The following GRHL2 variants were observed in gnomAD, a reference collection of about 807,000 sequenced individuals.
GRHL2 encodes the protein grainyhead-like protein 2 homolog.
In GRHL2, 21 loss-of-function variants were observed where a neutral mutation model predicts 83.8. The observed-to-expected ratio is 0.25, with a 90% CI of 0.18 to 0.36. The LOEUF is 0.36. GRHL2 is among the 10% of genes least tolerant of loss of function. The pLI is 1.00. For synonymous variants in GRHL2, 280 were observed against 278.9 expected (o/e 1.00, Z -0.04); for missense variants, 623 against 781.8 (o/e 0.80, Z 2.42).
At chr8:101,514,427 G>A (rs1810527582) in intron 1 of GRHL2, among the ~76,000 whole-genome samples, 1 of 152,224 alleles carries the variant, frequency 6.6e-6, no homozygotes, top group Non-Finnish European at 1.5e-5. Context: ...AGCTACGCAA[G>A]GGAAGGAGAG....
intron 4 of GRHL2, chr8:101,562,419 T>C (rs1180889812): frequency 7.1e-6 from 4 of 566,036 alleles, no homozygotes; most frequent in Non-Finnish European, 1.2e-5. Context: ...TTGCAATTAT[T>C]GTGGACAAAC....
At chr8:101,649,832 C>A (rs1813585344) in intron 14 of GRHL2, among the ~76,000 whole-genome samples, 1 of 151,984 alleles carries the variant, frequency 6.6e-6, no homozygotes, top group Non-Finnish European at 1.5e-5. Context: ...AAAACAAAAA[C>A]AATTAACAAG....
At chr8:101,598,400 C>A (rs368152622) in intron 7 of GRHL2, among the ~76,000 whole-genome samples, 7 of 151,728 alleles carry the variant, frequency 4.6e-5, no homozygotes, top group South Asian at 2.1e-4. Context: ...CCACCATGCC[C>A]GGCTAATTTT....
At chr8:101,585,083 C>T (rs545629677) in intron 7 of GRHL2, among the ~76,000 whole-genome samples, 128 of 152,248 alleles carry the variant, frequency 8.4e-4, no homozygotes, top group African/African-American at 3.0e-3. Context: ...AGCCAAGTGG[C>T]CAGGTGGCCA....
chr8:101,501,207 A>T (rs1252570910), intron 1 of GRHL2, among the ~76,000 whole-genome samples: 3 of 152,222 alleles, frequency 2.0e-5, no homozygotes, highest in Non-Finnish European at 4.4e-5. Context: ...TGGTAGATGA[A>T]GTACCTTATT....
downstream of GRHL2, among the ~76,000 whole-genome samples, chr8:101,670,890 G>C (rs888020930): frequency 6.6e-6 from 1 of 152,218 alleles, no homozygotes; most frequent in African/African-American, 2.4e-5. Flanking sequence ...AGAGAGGCAA[G>C]TTAGACACAG....
Position 101,608,897 on chromosome 8 carries a change from A to T in GRHL2, c.1098+9746A>T. On this transcript the variant is annotated intron_variant, in intron 8 of 15. Transcript: ENST00000646743. ...TCTTCAGGGTCAGGTGGACTTAGACATAAGGAAGTTGGAAGAAGAGTGTAT... is the reference window on the plus strand; with the variant it reads ...TCTTCAGGGTCAGGTGGACTTAGACTTAAGGAAGTTGGAAGAAGAGTGTAT... 1.3e-5 allele frequency among the ~76,000 whole-genome samples: 2 copies of T among 150,238 alleles called. 1 individual carries two copies. The highest frequency in any genetic ancestry group is 2.9e-5 in the Non-Finnish European group (2 of 67,990).
At position 101,574,848 on chromosome 8, in the gene GRHL2, G is replaced by A. The variant is rs909905657; in HGVS notation, c.891+1024G>A. ...TATATTTATTATCTTCAAGCGCCAG[G>A]TATTGTATTAGGTGCCATCTGTCTA... On this transcript the variant is annotated intron_variant, in intron 6 of 15. Coordinates refer to ENST00000646743, the MANE Select transcript of GRHL2 (RefSeq NM_024915.4). Among the ~76,000 whole-genome samples the A allele has an allele frequency of 3.0e-4, 46 of 152,302 alleles. 1 individual carries two copies. The highest frequency in any genetic ancestry group is 1.1e-3 in the African/African-American group (46 of 41,566).
intron 5 of GRHL2, 35 bp from the exon 6 acceptor site, chr8:101,573,633 G>A (rs764156068): frequency 6.2e-7 from 1 of 1,613,574 alleles, no homozygotes; most frequent in Admixed American, 1.7e-5. Flanking sequence ...ATGTCCAAGT[G>A]AGTGGATCTG....
Position 101,543,309 on chromosome 8 carries a change from C to T in GRHL2, c.89C>T (p.Thr30Ile). The part of the protein sequence containing the change: ...DPPFNTRRAY[T>I]SEDEAWKSYL... Reference sequence around the variant, plus strand: ...CCATTCAATACCCGAAGAGCCTACACCAGTGAGGATGAAGCCTGGAAGTCA... The same window carrying T: ...CCATTCAATACCCGAAGAGCCTACATCAGTGAGGATGAAGCCTGGAAGTCA... The change falls in exon 2 of 16, where the codon ACC (threonine) becomes ATC (isoleucine). Residue 30 changes from threonine to isoleucine, a missense_variant. Thr to Ile is a moderately conservative substitution (Grantham distance 89). Coordinates refer to ENST00000646743, the MANE Select transcript of GRHL2 (RefSeq NM_024915.4). 6.2e-7 allele frequency: 1 copy of T among 1,614,126 alleles called. No individual in the cohort carries two copies. The highest frequency in any genetic ancestry group is 8.5e-7 in the Non-Finnish European group (1 of 1,179,978).
chr8:101,518,491 A>G (rs1457271387), intron 1 of GRHL2, among the ~76,000 whole-genome samples: 1 of 152,194 alleles, frequency 6.6e-6, no homozygotes, highest in Non-Finnish European at 1.5e-5. Flanking sequence ...GTACCCATAC[A>G]GGATCACCTC....
intron 8 of GRHL2, among the ~76,000 whole-genome samples, chr8:101,608,593 C>CTTTATTTTTTATTTTTT (rs1435861274): frequency 6.6e-6 from 1 of 152,094 alleles, no homozygotes; most frequent in African/African-American, 2.4e-5. Context: ...GAGGCAGCTC[C>CTTTATTTTTTATTTTTT]ATTTTTTATT....
intron 14 of GRHL2, among the ~76,000 whole-genome samples, chr8:101,658,687 CA>C (rs2129743887): frequency 6.6e-6 from 1 of 152,300 alleles, no homozygotes; most frequent in South Asian, 2.1e-4. Flanking sequence ...ACCCAAGCAT[CA>C]GATTCACTTT....
intron 4 of GRHL2, among the ~76,000 whole-genome samples, chr8:101,568,588 T>G (rs1337131433): frequency 6.8e-6 from 1 of 148,004 alleles, no homozygotes; most frequent in Non-Finnish European, 1.5e-5. Context: ...GTATTTTAGT[T>G]TTTTTTTTTT....
chr8:101,635,493 C>T (rs1163280464), intron 11 of GRHL2, among the ~76,000 whole-genome samples: 2 of 152,158 alleles, frequency 1.3e-5, no homozygotes, highest in Non-Finnish European at 2.9e-5. Flanking sequence ...AGCAGTCAGG[C>T]CAGATAGATA....
intron 7 of GRHL2, among the ~76,000 whole-genome samples, chr8:101,598,002 C>CT (rs2130308196): frequency 6.6e-6 from 1 of 152,248 alleles, no homozygotes; most frequent in Admixed American, 6.5e-5. Flanking sequence ...TTTGCCCAAT[C>CT]TGGCAACTTT....
chr8:101,530,861 CT>C, intron 1 of GRHL2, among the ~76,000 whole-genome samples: 1 of 152,242 alleles, frequency 6.6e-6, no homozygotes, highest in Non-Finnish European at 1.5e-5. Flanking sequence ...TGAGTTTTCC[CT>C]TTTCAACTAA....
chr8:101,656,873 G>GACACACACACACAC (rs35693999), intron 14 of GRHL2, among the ~76,000 whole-genome samples: 5,845 of 147,290 alleles, frequency 0.04, 170 homozygotes, highest in Middle Eastern at 0.076. Flanking sequence ...GTGTCTAACA[G>GACACACACACACAC]ACACACACAC....
chr8:101,504,998 G>C (rs1810308409), intron 1 of GRHL2, among the ~76,000 whole-genome samples: 1 of 151,516 alleles, frequency 6.6e-6, no homozygotes, highest in African/African-American at 2.4e-5. Context: ...AAAAGAGGAG[G>C]CTAAAAATAC....
Sources: gnomAD v4.1 joint callset for allele counts (sites outside exome capture counted in the v4.1 genomes callset) on GRCh38, gnomAD v4.1.1 for gene constraint, MANE v1.5 for transcripts, NCBI Gene and HGNC (gene_info 2026-07-23, HGNC 2026-07-21) for gene names.